Variants in OLA1 observed in about 807,000 individuals in gnomAD.
The protein encoded by OLA1 is obg-like ATPase 1.
In OLA1, 14 loss-of-function variants were observed where a neutral mutation model predicts 48.4. The ratio of observed to expected loss-of-function variants is 0.29; its 90% CI spans 0.19 to 0.45. The LOEUF (loss-of-function observed/expected upper bound fraction) is 0.45, where lower values mean the gene tolerates loss of function less well. Among genes scored for constraint, OLA1 ranks in the 20% least tolerant of loss-of-function variants. The pLI, the probability that OLA1 is intolerant of heterozygous loss-of-function variation, is 1.00. For missense variants in OLA1, 325 were observed against 467.1 expected (o/e 0.70, Z 2.80); for synonymous variants, 127 against 150.4 (o/e 0.84, Z 1.14).
chr2:174,194,289 C>T (rs1200268150), intron 4 of OLA1, among the ~76,000 whole-genome samples: 2 of 152,186 alleles, frequency 1.3e-5, no homozygotes, highest in African/African-American at 2.4e-5. Flanking sequence ...TCCCCAATTT[C>T]TGCAGCCTTC....
At chr2:174,217,578 GAT>G (rs1192714937) in intron 4 of OLA1, among the ~76,000 whole-genome samples, 6 of 152,104 alleles carry the variant, frequency 3.9e-5, no homozygotes, top group African/African-American at 1.4e-4. Context: ...TGTACAGTCA[GAT>G]GTATACATGT....
intron 4 of OLA1, among the ~76,000 whole-genome samples, chr2:174,220,993 C>T (rs1282742657): frequency 6.6e-6 from 1 of 152,102 alleles, no homozygotes; most frequent in Non-Finnish European, 1.5e-5. Flanking sequence ...TTTCTAATCT[C>T]TACAAGTCTT....
chr2:174,187,808 T>TA (rs1687689128), intron 4 of OLA1, among the ~76,000 whole-genome samples: 1 of 152,202 alleles, frequency 6.6e-6, no homozygotes, highest in African/African-American at 2.4e-5. Flanking sequence ...AAAAGGAGTT[T>TA]AGCATGAAGG....
At chr2:174,112,671 A>G (rs1685680913) in intron 7 of OLA1, among the ~76,000 whole-genome samples, 1 of 152,156 alleles carries the variant, frequency 6.6e-6, no homozygotes, top group Non-Finnish European at 1.5e-5. Context: ...GACTCCTGAT[A>G]CAGAGAATGA....
intron 7 of OLA1, among the ~76,000 whole-genome samples, chr2:174,110,091 A>AT (rs199583094): frequency 0.16 from 17,347 of 110,872 alleles, 1,890 homozygotes; most frequent in African/African-American, 0.26. Context: ...TTTGCTAAGG[A>AT]TTTTTTTTTT....
intron 7 of OLA1, among the ~76,000 whole-genome samples, chr2:174,113,344 G>GT (rs1685700583): frequency 6.6e-6 from 1 of 152,144 alleles, no homozygotes; most frequent in Non-Finnish European, 1.5e-5. Flanking sequence ...TTACAGGTAT[G>GT]TTTTTGGGGG....
chr2:174,146,492 A>AT (rs1686602931), intron 4 of OLA1, among the ~76,000 whole-genome samples: 1 of 152,326 alleles, frequency 6.6e-6, no homozygotes, highest in African/African-American at 2.4e-5. Context: ...GATAGGCTAG[A>AT]TGTAGGATGT....
intron 4 of OLA1, among the ~76,000 whole-genome samples, chr2:174,176,423 A>G (rs1687420104): frequency 6.6e-6 from 1 of 152,194 alleles, no homozygotes; most frequent in Admixed American, 6.5e-5. Context: ...AATAAAAACA[A>G]AAGTTGATTT....
At chr2:174,078,110 G>A (rs928184015) in intron 10 of OLA1, among the ~76,000 whole-genome samples, 3 of 151,812 alleles carry the variant, frequency 2.0e-5, no homozygotes, top group Non-Finnish European at 4.4e-5. Flanking sequence ...CCTGCTGTTC[G>A]GTATGACCTT....
At chr2:174,091,581 T>C (rs1262687910) in intron 7 of OLA1, among the ~76,000 whole-genome samples, 1 of 152,122 alleles carries the variant, frequency 6.6e-6, no homozygotes, top group Non-Finnish European at 1.5e-5. Flanking sequence ...AATGTTACTT[T>C]TTAACATCTT....
At chr2:174,237,381 G>A (rs1228738052) in intron 2 of OLA1, among the ~76,000 whole-genome samples, 1 of 151,968 alleles carries the variant, frequency 6.6e-6, no homozygotes, top group African/African-American at 2.4e-5. Context: ...CCTCCTGAAG[G>A]AACTGCCAAC....
chr2:174,107,478 T>C (rs183593796), intron 7 of OLA1, among the ~76,000 whole-genome samples: 1 of 152,240 alleles, frequency 6.6e-6, no homozygotes, highest in Non-Finnish European at 1.5e-5. Flanking sequence ...AAGCTATAGG[T>C]AACATTCGAG....
intron 7 of OLA1, among the ~76,000 whole-genome samples, chr2:174,108,938 T>A (rs976832252): frequency 6.6e-6 from 1 of 152,210 alleles, no homozygotes; most frequent in African/African-American, 2.4e-5. Context: ...GCATTTATTT[T>A]GCTCTTTAGA....
At chr2:174,246,122 A>G (rs992578314) in intron 2 of OLA1, among the ~76,000 whole-genome samples, 5 of 151,656 alleles carry the variant, frequency 3.3e-5, no homozygotes, top group African/African-American at 1.2e-4. Flanking sequence ...CAACATGGTG[A>G]AACCCCGTCT....
At chr2:174,217,597 A>T (rs1409030149) in intron 4 of OLA1, among the ~76,000 whole-genome samples, 1 of 152,198 alleles carries the variant, frequency 6.6e-6, no homozygotes. Context: ...ATGTCTTGAC[A>T]TATGCATACA....
chr2:174,153,038 C>G (rs1398673233), intron 4 of OLA1, among the ~76,000 whole-genome samples: 2 of 152,110 alleles, frequency 1.3e-5, no homozygotes, highest in Admixed American at 6.5e-5. Context: ...ATAAAACTAC[C>G]ATCCCTTTGA....
intron 2 of OLA1, among the ~76,000 whole-genome samples, chr2:174,240,946 C>T (rs912882997): frequency 1.3e-5 from 2 of 152,166 alleles, no homozygotes; most frequent in African/African-American, 4.8e-5. Context: ...TGTCACTCCT[C>T]CCATCAAGAG....
At chr2:174,120,221 C>A (rs1257673681) in intron 7 of OLA1, among the ~76,000 whole-genome samples, 1 of 152,028 alleles carries the variant, frequency 6.6e-6, no homozygotes, top group African/African-American at 2.4e-5. Flanking sequence ...GAAATTTAAA[C>A]CCCTAATTAA....
intron 7 of OLA1, among the ~76,000 whole-genome samples, chr2:174,083,077 G>A (rs544783663): frequency 2.4e-4 from 37 of 152,156 alleles, no homozygotes; most frequent in African/African-American, 8.7e-4. Context: ...GATAATCATA[G>A]CATACATTCC....
Sources: gnomAD v4.1 joint callset for allele counts (sites outside exome capture counted in the v4.1 genomes callset) on GRCh38, gnomAD v4.1.1 for gene constraint, MANE v1.5 for transcripts, NCBI Gene and HGNC (gene_info 2026-07-23, HGNC 2026-07-21) for gene names.